Variants in DAPP1 observed in about 807,000 individuals in gnomAD.
The protein encoded by DAPP1 is dual adapter for phosphotyrosine and 3-phosphotyrosine and 3-phosphoinositide.
Under a neutral mutation model 41.5 loss-of-function variants are expected in DAPP1, and 20 were observed. That is an observed-to-expected ratio of 0.48 (90% confidence interval 0.34 to 0.70). DAPP1 has a LOEUF of 0.70. DAPP1 is among the 30% of genes least tolerant of loss of function. DAPP1 has a pLI of 0.01. For synonymous variants in DAPP1, 113 were observed against 116.2 expected, an observed-to-expected ratio of 0.97 and a Z score of 0.18; for missense variants, 233 against 333.4, an observed-to-expected ratio of 0.70 and a Z score of 2.35.
intron 1 of DAPP1, among the ~76,000 whole-genome samples, chr4:99,819,236 A>G (rs1177717637): frequency 1.3e-5 from 2 of 152,148 alleles, no homozygotes; most frequent in Non-Finnish European, 2.9e-5. Flanking sequence ...TGTTCTCCCA[A>G]AAAGAACCCT....
At chr4:99,835,872 C>A in intron 2 of DAPP1, 127 bp downstream of exon 2, 1 of 1,246,908 alleles carries the variant, frequency 8.0e-7, no homozygotes. Context: ...TAAAGGATTC[C>A]AAACTCTAAA....
In DAPP1 at chr4:99,866,011, T is replaced by C. The variant is rs765827378; in HGVS notation, c.687-23T>C. 3.2e-6 allele frequency: 3 copies of C among 941,618 alleles called. No homozygotes were observed. The East Asian group carries it at 1.1e-4, about 35-fold the overall frequency. 58.3% of individuals were successfully genotyped at this position (941,618 alleles called of 1,614,324 possible). On this transcript the variant is annotated intron_variant, in intron 7 of 8. Transcript: ENST00000512369. Reference sequence around the variant, plus strand: ...ATAGCTAATGATCTGCAATATCTTATGTTCTTTCTTTTGTCCTATTAGTTT... The same window carrying C: ...ATAGCTAATGATCTGCAATATCTTACGTTCTTTCTTTTGTCCTATTAGTTT...
downstream of DAPP1, among the ~76,000 whole-genome samples, chr4:99,870,330 C>CATATATAT (rs3839158): frequency 9.1e-4 from 136 of 148,820 alleles, no homozygotes; most frequent in African/African-American, 1.8e-3. Context: ...AAACAATAAA[C>CATATATAT]ATATATATAT....
At chr4:99,857,737 T>C (rs1002643380) in intron 4 of DAPP1, among the ~76,000 whole-genome samples, 5 of 141,936 alleles carry the variant, frequency 3.5e-5, no homozygotes, top group East Asian at 2.1e-4. Flanking sequence ...CACACACACA[T>C]AAAATAATGA....
intron 4 of DAPP1, 114 bp from the exon 5 acceptor site, chr4:99,861,464 C>G (rs1724233803): frequency 1.8e-6 from 2 of 1,118,682 alleles, no homozygotes; most frequent in Admixed American, 2.2e-5. Context: ...AAATGATAGA[C>G]AGTAATTTAA....
chr4:99,845,547 T>C (rs920683182), intron 3 of DAPP1, among the ~76,000 whole-genome samples: 2 of 152,236 alleles, frequency 1.3e-5, no homozygotes, highest in Non-Finnish European at 2.9e-5. Context: ...TTGTAGGATA[T>C]GGCAGGGCTG....
chr4:99,845,417 G>A (rs1723635203), intron 3 of DAPP1, among the ~76,000 whole-genome samples: 3 of 152,158 alleles, frequency 2.0e-5, no homozygotes, highest in Non-Finnish European at 4.4e-5. Context: ...ATGCTTTCCA[G>A]GCACCTTGCT....
At position 99,868,639 on chromosome 4, in the gene DAPP1, G is replaced by C. The variant is rs3775512; in HGVS notation, c.*454G>C. 0.018 allele frequency: 2,749 copies of C among 151,176 alleles called. 62 individuals carry two copies. The highest frequency in any genetic ancestry group is 0.11 in the East Asian group (547 of 5,150). The allele number at this position is 151,176 out of a possible 1,614,324, so 9.4% of individuals were successfully genotyped here. ...ATGACTTCTGCAGGATTTATATTCAGATAGAAAACATCAAATATTTTCAGG... is the reference window on the plus strand; with the variant it reads ...ATGACTTCTGCAGGATTTATATTCACATAGAAAACATCAAATATTTTCAGG... On this transcript the variant is annotated 3_prime_UTR_variant, in exon 9 of 9. Coordinates refer to ENST00000512369, the MANE Select transcript of DAPP1 (RefSeq NM_014395.3).
intron 1 of DAPP1, among the ~76,000 whole-genome samples, chr4:99,834,293 A>G (rs915940263): frequency 6.6e-6 from 1 of 152,228 alleles, no homozygotes; most frequent in Non-Finnish European, 1.5e-5. Flanking sequence ...AAGCACAGGA[A>G]AATGGTTACC....
At chr4:99,865,137 A>G (rs1268475070) in intron 7 of DAPP1, 1 of 152,272 alleles carries the variant, frequency 6.6e-6, no homozygotes, top group Non-Finnish European at 1.5e-5. Flanking sequence ...GCTTCTATGC[A>G]CAGAGACTTA....
chr4:99,817,397 G>A (rs1415403053), intron 1 of DAPP1, among the ~76,000 whole-genome samples: 1 of 152,216 alleles, frequency 6.6e-6, no homozygotes. Context: ...CCCAGGGACA[G>A]TAAAAGGACT....
intron 4 of DAPP1, among the ~76,000 whole-genome samples, chr4:99,861,272 A>G (rs1181147635): frequency 6.6e-6 from 1 of 152,208 alleles, no homozygotes; most frequent in Non-Finnish European, 1.5e-5. Context: ...ACCCTGTAAC[A>G]ATCCAAACAG....
intron 1 of DAPP1, among the ~76,000 whole-genome samples, chr4:99,826,702 C>T (rs775045959): frequency 2.4e-4 from 36 of 152,224 alleles, no homozygotes; most frequent in Non-Finnish European, 4.7e-4. Flanking sequence ...GTTGCCCATG[C>T]ACACCAAGCC....
intron 3 of DAPP1, 140 bp downstream of exon 3, chr4:99,840,562 A>G (rs1723461701): frequency 1.9e-5 from 20 of 1,063,824 alleles, no homozygotes; most frequent in Non-Finnish European, 2.5e-5. Flanking sequence ...TATTTTGTAT[A>G]AAGTAGATAT....
chr4:99,859,600 T>C (rs532913709), intron 4 of DAPP1, among the ~76,000 whole-genome samples: 20 of 152,310 alleles, frequency 1.3e-4, no homozygotes, highest in African/African-American at 4.1e-4. Flanking sequence ...GATCTTATCA[T>C]CCTCAGTACA....
chr4:99,871,201 T>A (rs1724619344), downstream of DAPP1, among the ~76,000 whole-genome samples: 3 of 152,280 alleles, frequency 2.0e-5, no homozygotes, highest in South Asian at 6.2e-4. Context: ...AGAACTACTG[T>A]AAGGAGAAGG....
intron 1 of DAPP1, among the ~76,000 whole-genome samples, chr4:99,829,464 G>A (rs934382367): frequency 6.6e-6 from 1 of 151,896 alleles, no homozygotes; most frequent in African/African-American, 2.4e-5. Flanking sequence ...TGGGTGACAA[G>A]AGTGAAACTC....
intron 1 of DAPP1, among the ~76,000 whole-genome samples, chr4:99,817,539 A>T (rs992360407): frequency 6.6e-6 from 1 of 152,182 alleles, no homozygotes; most frequent in Non-Finnish European, 1.5e-5. Context: ...TGCATTTGTG[A>T]GATTTGATAT....
intron 1 of DAPP1, among the ~76,000 whole-genome samples, chr4:99,817,510 T>C (rs1234001555): frequency 6.6e-6 from 1 of 152,210 alleles, no homozygotes; most frequent in African/African-American, 2.4e-5. Flanking sequence ...CTCGCTTGTA[T>C]ATTTCTTTCT....
Sources: gnomAD v4.1 joint callset for allele counts (sites outside exome capture counted in the v4.1 genomes callset) on GRCh38, gnomAD v4.1.1 for gene constraint, MANE v1.5 for transcripts, NCBI Gene and HGNC (gene_info 2026-07-23, HGNC 2026-07-21) for gene names.